The following PCDH15 variants were observed in gnomAD, a reference collection of about 807,000 sequenced individuals.
PCDH15 encodes protocadherin related 15.
A neutral mutation model predicts 178.5 loss-of-function variants in PCDH15; 129 were observed. The observed-to-expected ratio is 0.72, with a 90% confidence interval of 0.63 to 0.84. The LOEUF is 0.84. Among genes scored for constraint, PCDH15 ranks in the 40% least tolerant of loss-of-function variants. The pLI is 0.00. For missense variants in PCDH15, 2,230 were observed against 2,099.9 expected, an observed-to-expected ratio of 1.06 and a Z score of -1.21; for synonymous variants, 800 against 732.0, an observed-to-expected ratio of 1.09 and a Z score of -1.50.
intron 3 of PCDH15, among the ~76,000 whole-genome samples, chr10:54,503,312 C>G (rs1266217421): frequency 7.7e-6 from 1 of 129,630 alleles, no homozygotes; most frequent in Non-Finnish European, 1.6e-5. Flanking sequence ...ATAATATATA[C>G]ATGTTTTATA....
intron 20 of PCDH15, among the ~76,000 whole-genome samples, chr10:54,000,678 A>C (rs373108383): frequency 2.8e-4 from 42 of 152,162 alleles, no homozygotes; most frequent in African/African-American, 9.9e-4. Flanking sequence ...ATGAAACATG[A>C]CTACAAGATC....
intron 3 of PCDH15, among the ~76,000 whole-genome samples, chr10:54,518,491 C>G (rs539226616): frequency 6.6e-6 from 1 of 151,958 alleles, no homozygotes; most frequent in Non-Finnish European, 1.5e-5. Context: ...AACACATACA[C>G]CCCCCCAAGA....
intron 9 of PCDH15, among the ~76,000 whole-genome samples, chr10:54,228,390 A>G (rs2053688693): frequency 6.6e-6 from 1 of 152,160 alleles, no homozygotes; most frequent in Non-Finnish European, 1.5e-5. Context: ...CACTATCACA[A>G]TAACAACACA....
At chr10:54,474,912 A>G (rs2078175053) in intron 3 of PCDH15, among the ~76,000 whole-genome samples, 1 of 152,032 alleles carries the variant, frequency 6.6e-6, no homozygotes, top group East Asian at 1.9e-4. Flanking sequence ...AATTTCTTAA[A>G]AGGAATAAAA....
intron 1 of PCDH15, among the ~76,000 whole-genome samples, chr10:55,185,792 T>G (rs1839783376): frequency 6.6e-6 from 1 of 151,714 alleles, no homozygotes; most frequent in Non-Finnish European, 1.5e-5. Flanking sequence ...TAATATATAT[T>G]GAGTTTTGTT....
intron 2 of PCDH15, among the ~76,000 whole-genome samples, chr10:54,932,360 A>T (rs1160035380): frequency 1.3e-5 from 2 of 152,250 alleles, no homozygotes; most frequent in East Asian, 3.8e-4. Context: ...TAAAATTTTT[A>T]GAATAAGGAT....
chr10:54,011,858 C>T (rs2092597366), intron 20 of PCDH15, among the ~76,000 whole-genome samples: 1 of 152,172 alleles, frequency 6.6e-6, no homozygotes, highest in Non-Finnish European at 1.5e-5. Flanking sequence ...AGTGCAAGAA[C>T]TTTGGCAACT....
intron 2 of PCDH15, among the ~76,000 whole-genome samples, chr10:55,351,512 G>A (rs577466286): frequency 6.6e-6 from 1 of 152,154 alleles, no homozygotes; most frequent in South Asian, 2.1e-4. Context: ...CTTCTCTAGG[G>A]ATTCAACAGT....
At chr10:55,165,654 AAG>A (rs1384782262) in intron 2 of PCDH15, among the ~76,000 whole-genome samples, 5 of 152,000 alleles carry the variant, frequency 3.3e-5, no homozygotes, top group South Asian at 4.2e-4. Flanking sequence ...TCGTGGATGA[AAG>A]AGAGTTTTTT....
chr10:55,144,508 T>G (rs1263513043), intron 2 of PCDH15, among the ~76,000 whole-genome samples: 1 of 152,076 alleles, frequency 6.6e-6, no homozygotes, highest in Non-Finnish European at 1.5e-5. Context: ...TCTTATCTGA[T>G]AGAGGAAATT....
chr10:55,620,148 T>G (rs1843562115), intron 2 of PCDH15, among the ~76,000 whole-genome samples: 1 of 152,086 alleles, frequency 6.6e-6, no homozygotes, highest in African/African-American at 2.4e-5. Flanking sequence ...AAAATGGGTT[T>G]GTTATTCCTT....
intron 2 of PCDH15, among the ~76,000 whole-genome samples, chr10:54,568,957 T>C (rs2089421404): frequency 6.6e-6 from 1 of 152,024 alleles, no homozygotes; most frequent in Non-Finnish European, 1.5e-5. Context: ...TGATTTATTT[T>C]TGAAATGTGG....
intron 2 of PCDH15, among the ~76,000 whole-genome samples, chr10:55,416,757 A>G (rs1838493421): frequency 6.6e-6 from 1 of 151,800 alleles, no homozygotes; most frequent in South Asian, 2.1e-4. Flanking sequence ...GCTGAAAGCA[A>G]TCAAAAGTTT....
intron 14 of PCDH15, among the ~76,000 whole-genome samples, chr10:54,137,587 C>A (rs1173449206): frequency 6.6e-6 from 1 of 152,118 alleles, no homozygotes; most frequent in African/African-American, 2.4e-5. Flanking sequence ...TCACCACATC[C>A]GATGAGATGC....
intron 3 of PCDH15, among the ~76,000 whole-genome samples, chr10:54,811,331 T>C (rs1952859044): frequency 6.6e-6 from 1 of 152,158 alleles, no homozygotes; most frequent in Non-Finnish European, 1.5e-5. Context: ...TGATGCGGTG[T>C]TTGATATAGT....
At chr10:54,047,485 G>A (rs575495526) in intron 18 of PCDH15, among the ~76,000 whole-genome samples, 2 of 151,822 alleles carry the variant, frequency 1.3e-5, no homozygotes, top group African/African-American at 2.4e-5. Context: ...GCTGATATCT[G>A]GGGTACTAAT....
intron 2 of PCDH15, among the ~76,000 whole-genome samples, chr10:55,339,257 A>G (rs1256331804): frequency 6.6e-6 from 1 of 151,600 alleles, no homozygotes; most frequent in African/African-American, 2.4e-5. Context: ...TGTGCCCAAT[A>G]AATACATACA....
rs572215153 is a variant in PCDH15, at chr10:54,233,579, A to G, written c.985+3244T>C. On this transcript the variant is annotated intron_variant, in intron 9 of 37. Coordinates refer to ENST00000644397, the MANE Select transcript of PCDH15 (RefSeq NM_001384140.1). ...CTATACTGAAGAACATTCTAGGTGCACTTGAGAAGAATGTGTATTCTGCTG... is the reference window on the plus strand; with the variant it reads ...CTATACTGAAGAACATTCTAGGTGCGCTTGAGAAGAATGTGTATTCTGCTG... Among the ~76,000 whole-genome samples the G allele has an allele frequency of 6.2e-4, 95 of 152,312 alleles. 1 individual carries two copies. Among genetic ancestry groups the G allele is most frequent in the Admixed American group, 1.3e-3 (20 of 15,296 alleles).
chr10:55,436,507 A>C (rs1367277281), intron 2 of PCDH15, among the ~76,000 whole-genome samples: 2 of 151,986 alleles, frequency 1.3e-5, no homozygotes, highest in Non-Finnish European at 2.9e-5. Context: ...TGTTTTGTTT[A>C]ATTTTGTTTT....
Sources: gnomAD v4.1 joint callset for allele counts (sites outside exome capture counted in the v4.1 genomes callset) on GRCh38, gnomAD v4.1.1 for gene constraint, MANE v1.5 for transcripts, NCBI Gene and HGNC (gene_info 2026-07-23, HGNC 2026-07-21) for gene names.